The following SYTL2 variants were observed in gnomAD, a reference collection of about 807,000 sequenced individuals.
The protein encoded by SYTL2 is synaptotagmin-like protein 2.
SYTL2 carries 165 observed loss-of-function variants against 198.7 expected under a neutral mutation model. The observed-to-expected ratio is 0.83, with a 90% confidence interval of 0.73 to 0.94. The LOEUF (loss-of-function observed/expected upper bound fraction) is 0.94. Among genes scored for constraint, SYTL2 ranks in the 40% least tolerant of loss-of-function variants. The pLI is 0.00. For synonymous variants in SYTL2, 966 were observed against 917.7 expected, an observed-to-expected ratio of 1.05 and a Z score of -0.95; for missense variants, 2,835 against 2,582.8, an observed-to-expected ratio of 1.10 and a Z score of -2.12.
At position 85,705,039 on chromosome 11, in the gene SYTL2, A is replaced by T; in HGVS notation, c.6019-11T>A. 4 of 1,593,656 alleles carry T rather than the reference A, an allele frequency of 2.5e-6. No individual in the cohort carries two copies. Among genetic ancestry groups the T allele is most frequent in the Non-Finnish European group, 3.4e-6 (4 of 1,163,650 alleles). ...TTTTTCAATTTTATACTGAAGTTCA[A>T]AGAAGAAAATTAAATGATGAAAAAC... On this transcript the variant is annotated splice_polypyrimidine_tract_variant and intron_variant, in intron 15 of 19. Transcript: ENST00000359152.
At chr11:85,796,369 T>C (rs2092804517) in intron 1 of SYTL2, among the ~76,000 whole-genome samples, 1 of 152,230 alleles carries the variant, frequency 6.6e-6, no homozygotes, top group Non-Finnish European at 1.5e-5. Flanking sequence ...CCAACTCTTA[T>C]TTTGGGGCAG....
At chr11:85,839,296 T>C in the SYTL2 span, among the ~76,000 whole-genome samples, 2 of 152,232 alleles carry the variant, frequency 1.3e-5, no homozygotes, top group Admixed American at 1.3e-4. Flanking sequence ...CTAACTATGA[T>C]GGAACACTTT....
chr11:85,789,360 A>ATATATATATATG (rs2092692609), intron 1 of SYTL2, among the ~76,000 whole-genome samples: 1 of 61,992 alleles, frequency 1.6e-5, no homozygotes. Context: ...ATATATATAT[A>ATATATATATATG]TATATATATA....
chr11:85,710,993 A>G (rs2153424125), intron 13 of SYTL2, 120 bp downstream of exon 13: 2 of 1,095,148 alleles, frequency 1.8e-6, no homozygotes, highest in South Asian at 3.7e-5. Context: ...ATTATGGATT[A>G]GAGAAACTGT....
At chr11:85,832,346 C>A in the SYTL2 span, among the ~76,000 whole-genome samples, 1 of 152,152 alleles carries the variant, frequency 6.6e-6, no homozygotes. Context: ...AAGAACATTG[C>A]AGAGCTAGGA....
chr11:85,713,042 G>A lies in SYTL2; in HGVS notation c.5625+1371C>T, dbSNP rs112259071. Among the ~76,000 whole-genome samples, 52 of 152,266 alleles carry A rather than the reference G, an allele frequency of 3.4e-4. 1 individual carries two copies. The highest frequency in any genetic ancestry group is 1.2e-3 in the African/African-American group (48 of 41,554). ...CCTCATATTATTATATGGTTGAACT[G>A]CATGGCATGCCTACTGTTGGCTTCT... On this transcript the variant is annotated intron_variant, in intron 12 of 19. Coordinates refer to ENST00000359152, the MANE Select transcript of SYTL2 (RefSeq NM_206927.4).
chr11:85,848,988 G>A, the SYTL2 span, among the ~76,000 whole-genome samples: 1 of 152,202 alleles, frequency 6.6e-6, no homozygotes, highest in Non-Finnish European at 1.5e-5. Context: ...TGAACTGCAG[G>A]TATGTGCCTC....
At chr11:85,789,895 A>G (rs905090009) in intron 1 of SYTL2, among the ~76,000 whole-genome samples, 1 of 152,144 alleles carries the variant, frequency 6.6e-6, no homozygotes, top group Non-Finnish European at 1.5e-5. Flanking sequence ...ATCCTTCAAA[A>G]CATATTAGGG....
Position 85,734,330 on chromosome 11 carries a change from C to G in SYTL2, c.999G>C (p.Val333=), listed in dbSNP as rs2090126868. ...SPNSLEPLKH[V]RFSAVKDELP... ...GCTCATCCTTCACTGCAGAGAATCT[C>G]ACATGCTTTAATGGCTCCAGGGAGT... The change falls in exon 7 of 20, where the codon GTG becomes GTC. Residue 333 remains valine (V), a synonymous_variant. Coordinates refer to ENST00000359152, the MANE Select transcript of SYTL2 (RefSeq NM_206927.4). The G allele has an allele frequency of 6.2e-7, 1 of 1,614,216 alleles. No homozygotes were observed. Among genetic ancestry groups the G allele is most frequent in the African/African-American group, 1.3e-5 (1 of 75,048 alleles).
chr11:85,748,759 T>C (rs533910812), intron 2 of SYTL2, among the ~76,000 whole-genome samples: 4 of 152,362 alleles, frequency 2.6e-5, no homozygotes, highest in East Asian at 1.9e-4. Context: ...TAGGCTTCCC[T>C]AAGCCTTGGT....
chr11:85,735,257 C>A (rs2090224544), intron 6 of SYTL2, among the ~76,000 whole-genome samples: 1 of 152,120 alleles, frequency 6.6e-6, no homozygotes, highest in Non-Finnish European at 1.5e-5. Flanking sequence ...TTGCACTGTA[C>A]ATTTAAGATT....
In SYTL2 at chr11:85,784,262, G is replaced by A. The variant is rs1042994837; in HGVS notation, c.-389-26148C>T. On this transcript the variant is annotated intron_variant, in intron 1 of 19. Transcript: ENST00000359152. The stretch of plus-strand genomic sequence containing the variant: ...CTTTGCAATATTTAATGACAGAGAC[G>A]GTGCAATGCAATGGTTTGAAAACAG... Among the ~76,000 whole-genome samples the A allele has an allele frequency of 3.3e-5, 5 of 152,034 alleles. 1 individual carries two copies. Among genetic ancestry groups the A allele is most frequent in the African/African-American group, 4.8e-5 (2 of 41,366 alleles).
intron 1 of SYTL2, among the ~76,000 whole-genome samples, chr11:85,791,170 A>AG (rs2092724620): frequency 6.8e-6 from 1 of 147,038 alleles, no homozygotes; most frequent in South Asian, 2.1e-4. Flanking sequence ...CTGCCTCAAA[A>AG]AAAAAAAAAA....
chr11:85,735,514 T>A (rs770277356), intron 6 of SYTL2, among the ~76,000 whole-genome samples: 18 of 152,206 alleles, frequency 1.2e-4, no homozygotes, highest in Admixed American at 2.0e-4. Flanking sequence ...CCCAGCACTT[T>A]GGGAAGCCGA....
At chr11:85,735,984 G>T (rs1360708892) in intron 6 of SYTL2, among the ~76,000 whole-genome samples, 1 of 152,130 alleles carries the variant, frequency 6.6e-6, no homozygotes, top group African/African-American at 2.4e-5. Context: ...GAAATGTTTA[G>T]CATTTCCTCT....
chr11:85,732,550 C>T (rs1418819974), intron 7 of SYTL2, among the ~76,000 whole-genome samples: 1 of 151,722 alleles, frequency 6.6e-6, no homozygotes, highest in Non-Finnish European at 1.5e-5. Flanking sequence ...AATGAGAACA[C>T]ACGGAAAACA....
intron 1 of SYTL2, among the ~76,000 whole-genome samples, chr11:85,767,996 G>A (rs957000139): frequency 1.3e-5 from 2 of 152,206 alleles, no homozygotes; most frequent in Non-Finnish European, 2.9e-5. Flanking sequence ...GAGAATTAGT[G>A]TCTCCTTAAG....
the SYTL2 span, among the ~76,000 whole-genome samples, chr11:85,840,865 C>A: frequency 6.6e-6 from 1 of 152,020 alleles, no homozygotes; most frequent in African/African-American, 2.4e-5. Flanking sequence ...AATTGAGCTT[C>A]TGCACAGCAA....
At chr11:85,809,180 G>A (rs2092999010) in intron 1 of SYTL2, among the ~76,000 whole-genome samples, 1 of 152,176 alleles carries the variant, frequency 6.6e-6, no homozygotes, top group South Asian at 2.1e-4. Context: ...CCTGAAAAAG[G>A]CCTCTTAGGG....
Sources: gnomAD v4.1 joint callset for allele counts (sites outside exome capture counted in the v4.1 genomes callset) on GRCh38, gnomAD v4.1.1 for gene constraint, MANE v1.5 for transcripts, NCBI Gene and HGNC (gene_info 2026-07-23, HGNC 2026-07-21) for gene names.